NDUFAF2: variants seen among roughly 807,000 people sequenced by gnomAD.
NDUFAF2 encodes NADH dehydrogenase [ubiquinone] 1 alpha subcomplex assembly factor 2.
In NDUFAF2, 13 loss-of-function variants were observed where a neutral mutation model predicts 22.8. The ratio of observed to expected loss-of-function variants is 0.57; its 90% CI spans 0.37 to 0.91. The LOEUF (loss-of-function observed/expected upper bound fraction) is 0.91. Ranked by LOEUF, NDUFAF2 falls within the 40% of genes least tolerant of loss-of-function variation. The pLI, the probability that NDUFAF2 is intolerant of heterozygous loss-of-function variation, is 0.01. For missense variants in NDUFAF2, 162 were observed against 195.2 expected, an observed-to-expected ratio of 0.83 and a Z score of 1.01; for synonymous variants, 53 against 64.2, an observed-to-expected ratio of 0.83 and a Z score of 0.84.
intron 1 of NDUFAF2, among the ~76,000 whole-genome samples, chr5:61,045,946 C>T (rs1382865574): frequency 3.3e-5 from 5 of 152,130 alleles, no homozygotes; most frequent in South Asian, 4.1e-4. Context: ...ATGTAAACTG[C>T]GGGCTTGTCA....
chr5:61,113,423 T>G (rs1394306698), intron 3 of NDUFAF2, among the ~76,000 whole-genome samples: 1 of 152,156 alleles, frequency 6.6e-6, no homozygotes, highest in African/African-American at 2.4e-5. Flanking sequence ...CGCTGGGTAT[T>G]CTATTCTAGG....
In NDUFAF2 at chr5:61,098,976, T is replaced by C. The variant is rs779754462; in HGVS notation, c.218-16T>C. On this transcript the variant is annotated splice_polypyrimidine_tract_variant and intron_variant, in intron 2 of 3. Coordinates refer to ENST00000296597, the MANE Select transcript of NDUFAF2 (RefSeq NM_174889.5). ...ATTATGGGAAACTGACATTTAAATA[T>C]TATTTTTCTTTCTAGCTTGGATTAG... The C allele has an allele frequency of 2.5e-6, 4 of 1,592,554 alleles. No homozygotes were observed. In the African/African-American group the frequency reaches 5.4e-5, roughly 21 times the overall value.
chr5:61,013,467 T>C (rs1412052348), intron 1 of NDUFAF2, among the ~76,000 whole-genome samples: 1 of 152,168 alleles, frequency 6.6e-6, no homozygotes, highest in Admixed American at 6.6e-5. Context: ...CTTTGTGCCT[T>C]ATTTGGATTA....
intron 1 of NDUFAF2, among the ~76,000 whole-genome samples, chr5:61,051,506 A>C (rs1246803615): frequency 2.0e-5 from 3 of 152,194 alleles, no homozygotes; most frequent in Non-Finnish European, 4.4e-5. Context: ...GATATGAGTC[A>C]TAGTGGGAAA....
chr5:61,068,194 A>C lies in NDUFAF2; in HGVS notation c.128-4931A>C, dbSNP rs185440764. Among the ~76,000 whole-genome samples, 99 of 152,210 alleles carry C rather than the reference A, an allele frequency of 6.5e-4. 2 individuals are homozygous for C. The highest frequency in any genetic ancestry group is 2.3e-3 in the African/African-American group (94 of 41,564). On this transcript the variant is annotated intron_variant, in intron 1 of 3. Coordinates refer to ENST00000296597, the MANE Select transcript of NDUFAF2 (RefSeq NM_174889.5). ...TTAATTTGTAAAACTTCCTTTGTATAGCATATCTGATACATATCTTTAATT... is the reference window on the plus strand; with the variant it reads ...TTAATTTGTAAAACTTCCTTTGTATCGCATATCTGATACATATCTTTAATT...
At chr5:61,078,876 T>C (rs952061006) in intron 2 of NDUFAF2, among the ~76,000 whole-genome samples, 5 of 152,256 alleles carry the variant, frequency 3.3e-5, no homozygotes, top group African/African-American at 1.2e-4. Context: ...GTAGTTCTTA[T>C]GTAGAGGCTC....
At chr5:61,018,211 G>C (rs1173316867) in intron 1 of NDUFAF2, among the ~76,000 whole-genome samples, 2 of 152,076 alleles carry the variant, frequency 1.3e-5, no homozygotes, top group East Asian at 3.8e-4. Context: ...TGGCTACCGG[G>C]TGTGTCTTCC....
intron 3 of NDUFAF2, among the ~76,000 whole-genome samples, chr5:61,146,957 G>A (rs1012169211): frequency 7.9e-5 from 12 of 151,576 alleles, no homozygotes; most frequent in African/African-American, 2.9e-4. Context: ...GTTATATTTG[G>A]TTCTTTATAA....
At chr5:60,963,821 G>T (rs1170680321) in intron 1 of NDUFAF2, among the ~76,000 whole-genome samples, 1 of 152,152 alleles carries the variant, frequency 6.6e-6, no homozygotes, top group Non-Finnish European at 1.5e-5. Flanking sequence ...TGTAGAGAGT[G>T]GGTTGAAATC....
At chr5:61,081,574 T>G (rs1436522174) in intron 2 of NDUFAF2, among the ~76,000 whole-genome samples, 12 of 152,162 alleles carry the variant, frequency 7.9e-5, no homozygotes, top group Admixed American at 7.9e-4. Context: ...AGATTAGTCT[T>G]GAGATACTAA....
intron 3 of NDUFAF2, among the ~76,000 whole-genome samples, chr5:61,136,377 G>A (rs1451645860): frequency 6.6e-6 from 1 of 151,964 alleles, no homozygotes; most frequent in African/African-American, 2.4e-5. Context: ...GTGATCTATG[G>A]AAGACTTATT....
At chr5:60,988,397 A>G (rs1338025379) in intron 1 of NDUFAF2, among the ~76,000 whole-genome samples, 3 of 152,216 alleles carry the variant, frequency 2.0e-5, no homozygotes, top group Non-Finnish European at 4.4e-5. Flanking sequence ...TCAAACTACC[A>G]ATAGCATTAT....
chr5:60,945,615 C>T (rs1367036699), intron 1 of NDUFAF2, among the ~76,000 whole-genome samples: 1 of 152,232 alleles, frequency 6.6e-6, no homozygotes, highest in Non-Finnish European at 1.5e-5. Context: ...GTCCCTACTA[C>T]CCAGCGCCTT....
At chr5:61,077,015 T>C (rs756755246) in intron 2 of NDUFAF2, among the ~76,000 whole-genome samples, 2 of 151,988 alleles carry the variant, frequency 1.3e-5, no homozygotes, top group Non-Finnish European at 2.9e-5. Context: ...GTTAAAGGAG[T>C]GCAGTGAAAG....
intron 1 of NDUFAF2, among the ~76,000 whole-genome samples, chr5:61,054,064 G>A (rs574976583): frequency 5.9e-4 from 90 of 152,190 alleles, no homozygotes; most frequent in African/African-American, 2.0e-3. Context: ...AGCTGGGCAC[G>A]TTGGCATGTG....
chr5:61,066,946 G>A (rs1752235403), intron 1 of NDUFAF2, among the ~76,000 whole-genome samples: 1 of 152,080 alleles, frequency 6.6e-6, no homozygotes, highest in East Asian at 1.9e-4. Context: ...GTGGTTGGGA[G>A]AAGTAGGGAG....
chr5:61,037,888 A>T (rs933965390), intron 1 of NDUFAF2, among the ~76,000 whole-genome samples: 4 of 151,968 alleles, frequency 2.6e-5, no homozygotes, highest in African/African-American at 9.7e-5. Flanking sequence ...TGATCATTTA[A>T]GAACAATTGT....
At chr5:60,985,535 G>A (rs1208354741) in intron 1 of NDUFAF2, among the ~76,000 whole-genome samples, 2 of 152,130 alleles carry the variant, frequency 1.3e-5, no homozygotes, top group Non-Finnish European at 2.9e-5. Flanking sequence ...GGCATCTAGT[G>A]CTATAAATTT....
chr5:60,973,115 C>T (rs927455520), intron 1 of NDUFAF2, among the ~76,000 whole-genome samples: 22 of 151,920 alleles, frequency 1.4e-4, no homozygotes, highest in Admixed American at 1.4e-3. Flanking sequence ...TGATCCTTGC[C>T]TTTGTTTTAG....
Sources: gnomAD v4.1 joint callset for allele counts (sites outside exome capture counted in the v4.1 genomes callset) on GRCh38, gnomAD v4.1.1 for gene constraint, MANE v1.5 for transcripts, NCBI Gene and HGNC (gene_info 2026-07-23, HGNC 2026-07-21) for gene names.